NINJ2: variants seen among roughly 807,000 people sequenced by gnomAD.
The protein encoded by NINJ2 is ninjurin-2.
Under a neutral mutation model 11.7 loss-of-function variants are expected in NINJ2, and 12 were observed. That is an observed-to-expected ratio of 1.02 (90% CI 0.66 to 1.66). The LOEUF (loss-of-function observed/expected upper bound fraction) is 1.66. Ranked by LOEUF, NINJ2 falls within the 40% of genes most tolerant of loss-of-function variation. The pLI is 0.00. For missense variants in NINJ2, 187 were observed against 181.8 expected (o/e 1.03, Z -0.16); for synonymous variants, 93 against 76.8 (o/e 1.21, Z -1.10).
chr12:599,756 G>T (rs574776245), intron 1 of NINJ2, among the ~76,000 whole-genome samples: 1 of 152,168 alleles, frequency 6.6e-6, no homozygotes, highest in African/African-American at 2.4e-5. Context: ...CCACGACTGC[G>T]CTTGGCCTAC....
chr12:638,622 A>C (rs1022923830), intron 1 of NINJ2, among the ~76,000 whole-genome samples: 4 of 152,148 alleles, frequency 2.6e-5, no homozygotes, highest in South Asian at 2.1e-4. Flanking sequence ...TCACCGTGTT[A>C]GCCATGATGG....
chr12:604,271 G>T (rs546270086), intron 1 of NINJ2, among the ~76,000 whole-genome samples: 1 of 152,128 alleles, frequency 6.6e-6, no homozygotes, highest in Non-Finnish European at 1.5e-5. Context: ...TATAAGCTGC[G>T]AGGACAAAAT....
intron 1 of NINJ2, among the ~76,000 whole-genome samples, chr12:627,077 C>A (rs1948218589): frequency 6.6e-6 from 1 of 151,856 alleles, no homozygotes; most frequent in Non-Finnish European, 1.5e-5. Flanking sequence ...AGAGCCAGAC[C>A]CCATCTCAAA....
At chr12:613,719 T>C (rs1003781492) in intron 1 of NINJ2, among the ~76,000 whole-genome samples, 15 of 151,966 alleles carry the variant, frequency 9.9e-5, no homozygotes, top group African/African-American at 2.4e-4. Context: ...TCCTGGCTAA[T>C]ACGGTGAAAC....
At chr12:589,409 T>A (rs1267741898) in intron 1 of NINJ2, 3 of 152,388 alleles carry the variant, frequency 2.0e-5, no homozygotes, top group Admixed American at 2.0e-4. Context: ...CTACTTTATA[T>A]TTCAATGCAT....
At position 585,725 on chromosome 12, in the gene NINJ2, G is replaced by A. The variant is rs1947628550; in HGVS notation, c.34-19547C>T. On this transcript the variant is annotated intron_variant, in intron 1 of 3. Coordinates refer to ENST00000305108, the MANE Select transcript of NINJ2 (RefSeq NM_016533.6). This position sits in a 1 kb window ranked among gnomAD's most constrained non-coding sequence, Gnocchi z 4.1. ...TCCAGCCAATCAGCAAATATTTATTGAGCATCTGTCTATTTGGGGCAAGTC... is the reference window on the plus strand; with the variant it reads ...TCCAGCCAATCAGCAAATATTTATTAAGCATCTGTCTATTTGGGGCAAGTC... The A allele has an allele frequency of 2.0e-5, 3 of 152,264 alleles. No individual in the cohort carries two copies. Among genetic ancestry groups the A allele is most frequent in the Admixed American group, 2.0e-4 (3 of 15,278 alleles). 9.4% of individuals were successfully genotyped at this position (152,264 alleles called of 1,614,324 possible). A position where few individuals can be genotyped will look rare whatever the true frequency, so the allele number is the denominator to read the frequency against.
chr12:630,630 G>T (rs367600396), intron 1 of NINJ2, among the ~76,000 whole-genome samples: 13 of 152,290 alleles, frequency 8.5e-5, no homozygotes, highest in African/African-American at 3.1e-4. Context: ...GCCCGCCTCG[G>T]CCCCCCAAAA....
At chr12:609,226 A>AGGGGC (rs1947984695) in intron 1 of NINJ2, among the ~76,000 whole-genome samples, 1 of 134,966 alleles carries the variant, frequency 7.4e-6, no homozygotes, top group African/African-American at 2.6e-5. Context: ...TAGGGGCTGA[A>AGGGGC]CGCGCACGCA....
At chr12:613,657 G>A (rs968370852) in intron 1 of NINJ2, among the ~76,000 whole-genome samples, 4 of 152,278 alleles carry the variant, frequency 2.6e-5, no homozygotes, top group Admixed American at 2.0e-4. Context: ...TGTAATCCCA[G>A]CACTTTGGGA....
chr12:585,083 C>G lies in NINJ2; in HGVS notation c.34-18905G>C, dbSNP rs540201056. ...GAAGTGGGCTGAGATCGCGCCACTG[C>G]GCTCCAGCCTGGGAGACAGAGCGAG... is the stretch of plus-strand genomic sequence containing the variant. On this transcript the variant is annotated intron_variant, in intron 1 of 3. Transcript: ENST00000305108. The surrounding 1 kb of genome is among the most constrained non-coding windows in gnomAD (Gnocchi z 4.1). Among the ~76,000 whole-genome samples the G allele has an allele frequency of 2.0e-5, 3 of 152,244 alleles. No individual in the cohort carries two copies. The highest frequency in any genetic ancestry group is 4.4e-5 in the Non-Finnish European group (3 of 68,040).
rs370557749 is a variant in NINJ2 at position 620,351 on chromosome 12, G to A, written c.33+42977C>T. 1.3e-3 allele frequency among the ~76,000 whole-genome samples: 198 copies of A among 147,764 alleles called. 3 individuals carry two copies. The highest frequency in any genetic ancestry group is 4.6e-3 in the African/African-American group (192 of 41,444). On this transcript the variant is annotated intron_variant, in intron 1 of 3. Coordinates refer to ENST00000305108, the MANE Select transcript of NINJ2 (RefSeq NM_016533.6). ...AAATTAGACCAGCGATCCCCGCTTT[G>A]CGGGAAGGGGAGAGGGTCTCAGACA... is the stretch of plus-strand genomic sequence containing the variant.
intron 1 of NINJ2, among the ~76,000 whole-genome samples, chr12:653,330 G>C (rs1937823697): frequency 6.6e-6 from 1 of 151,976 alleles, no homozygotes; most frequent in Non-Finnish European, 1.5e-5. Flanking sequence ...ATACTTAATT[G>C]ATCTAACAGT....
intron 1 of NINJ2, among the ~76,000 whole-genome samples, chr12:570,654 C>T (rs1156798998): frequency 6.6e-6 from 1 of 152,208 alleles, no homozygotes; most frequent in Non-Finnish European, 1.5e-5. Context: ...CTCTTCGCCG[C>T]TGGCTCTCGC....
chr12:659,738 A>G (rs1444888875), intron 1 of NINJ2, among the ~76,000 whole-genome samples: 1 of 152,214 alleles, frequency 6.6e-6, no homozygotes, highest in Non-Finnish European at 1.5e-5. Flanking sequence ...TAGAGGCTCA[A>G]GTTAATGTTA....
intron 1 of NINJ2, among the ~76,000 whole-genome samples, chr12:576,955 A>G (rs1947470491): frequency 1.3e-5 from 2 of 152,132 alleles, no homozygotes; most frequent in Admixed American, 1.3e-4. Context: ...CTCCCAGCCG[A>G]TCTCTGCTGA....
chr12:578,611 C>T (rs1174026332), intron 1 of NINJ2, among the ~76,000 whole-genome samples: 2 of 152,180 alleles, frequency 1.3e-5, no homozygotes, highest in African/African-American at 4.8e-5. Flanking sequence ...AACCACTACA[C>T]CCGGCCGAGA....
intron 1 of NINJ2, among the ~76,000 whole-genome samples, chr12:602,334 A>T (rs1947883930): frequency 6.6e-6 from 1 of 152,142 alleles, no homozygotes; most frequent in Admixed American, 6.5e-5. Flanking sequence ...GGCAACTACT[A>T]ATCTACTTTC....
intron 1 of NINJ2, among the ~76,000 whole-genome samples, chr12:607,959 C>T (rs902136769): frequency 2.0e-5 from 3 of 152,130 alleles, no homozygotes; most frequent in Non-Finnish European, 1.5e-5. Flanking sequence ...CTGGGGGTTC[C>T]GTTGACTTTC....
At chr12:629,896 A>AAAAAAAAAAAATAT in intron 1 of NINJ2, among the ~76,000 whole-genome samples, 5 of 9,896 alleles carry the variant, frequency 5.1e-4, no homozygotes, top group Non-Finnish European at 4.7e-4. Context: ...AAAAAAAAAA[A>AAAAAAAAAAAATAT]ATATATATAT....
Sources: allele counts gnomAD v4.1 joint callset (sites outside exome capture counted in the v4.1 genomes callset), GRCh38; gene constraint gnomAD v4.1.1; non-coding constraint Gnocchi (gnomAD v3.1); transcripts MANE v1.5; gene names NCBI Gene and HGNC (gene_info 2026-07-23, HGNC 2026-07-21).